ZNF419: variants seen among roughly 807,000 people sequenced by gnomAD.
The protein encoded by ZNF419 is zinc finger protein 419, also known as zinc finger protein 419A.
ZNF419 carries 8 observed loss-of-function variants against 14.9 expected under a neutral mutation model. That is an observed-to-expected ratio of 0.54 (90% CI 0.32 to 0.97). The LOEUF is 0.97. ZNF419 is among the 50% of genes least tolerant of loss of function. The pLI, the probability that ZNF419 is intolerant of heterozygous loss-of-function variation, is 0.04. For synonymous variants in ZNF419, 211 were observed against 205.3 expected, an observed-to-expected ratio of 1.03 and a Z score of -0.24; for missense variants, 595 against 607.2, an observed-to-expected ratio of 0.98 and a Z score of 0.21.
chr19:57,488,888 G>C (rs1389117830), intron 1 of ZNF419: 1 of 152,484 alleles, frequency 6.6e-6, no homozygotes, highest in Admixed American at 6.5e-5. Flanking sequence ...TGCCTCTATA[G>C]CATGGAGTTT....
At chr19:57,491,182 A>G in intron 2 of ZNF419, 1 of 460,644 alleles carries the variant, frequency 2.2e-6, no homozygotes. Flanking sequence ...CACAAATTTG[A>G]TTGTATTTGA....
chr19:57,494,090 A>G lies in ZNF419; in HGVS notation c.1533A>G (p.Ter511TrpextTer6). Residue 511 changes from the stop codon to tryptophan, a stop_lost, in exon 5 of 5, where the codon TGA (stop) becomes TGG (tryptophan). Transcript: ENST00000221735. ...HRRIHTGEMQ[*>W] ...GGATTCACACTGGAGAAATGCAGTG[A>G]TTGTGTGAAATCCTTTAGCCAGCGT... The G allele has an allele frequency of 1.3e-6, 2 of 1,586,796 alleles. No individual in the cohort carries two copies. The highest frequency in any genetic ancestry group is 8.6e-7 in the Non-Finnish European group (1 of 1,168,412).
Position 57,493,182 on chromosome 19 carries a change from G to A in ZNF419, c.625G>A (p.Gly209Arg). 3.1e-6 allele frequency: 5 copies of A among 1,614,204 alleles called. No homozygotes were observed. Among genetic ancestry groups the A allele is most frequent in the Non-Finnish European group, 4.2e-6 (5 of 1,180,010 alleles). Reference sequence around the variant, plus strand: ...AAGGCATTACAAATGCAGTGAATGTGGGAAAGCCTTTGGTCAGAAATATTT... The same window carrying A: ...AAGGCATTACAAATGCAGTGAATGTAGGAAAGCCTTTGGTCAGAAATATTT... ...GKRHYKCSECGKAFGQKYLLV... is the reference protein window; with the variant it reads ...GKRHYKCSECRKAFGQKYLLV... The change falls in exon 5 of 5, where the codon GGG becomes AGG. Residue 209 changes from glycine (G) to arginine (R), a missense_variant. Physicochemically the swap from Gly to Arg is moderately radical, Grantham distance 125 (BLOSUM62 -2). Transcript: ENST00000221735.
rs1373185879 is a variant in ZNF419, at chr19:57,492,165, GC to G, written c.255del (p.Phe86SerfsTer8). Reference protein sequence around the residue: ...EITQLESWEEPFMPAWEVVTS... With the variant: ...EITQLESWEEXFMPAWEVVTS... ...TAACCCAGCTGGAGTCATGGGAGGAGCCCTTCATGCCTGCTTGGGAAGTTGT... is the reference window on the plus strand; with the variant it reads ...TAACCCAGCTGGAGTCATGGGAGGAGCCTTCATGCCTGCTTGGGAAGTTGT... On this transcript the variant is annotated frameshift_variant, in exon 4 of 5. Transcript: ENST00000221735. LOFTEE classifies it low-confidence loss of function (END_TRUNC). The G allele has an allele frequency of 3.7e-6, 6 of 1,613,900 alleles. No individual in the cohort carries two copies. Among genetic ancestry groups the G allele is most frequent in the African/African-American group, 1.3e-5 (1 of 74,936 alleles).
At position 57,490,153 on chromosome 19, in the gene ZNF419, G is replaced by A. The variant is rs538019214; in HGVS notation, c.40G>A (p.Val14Met). 1.2e-6 allele frequency: 2 copies of A among 1,613,660 alleles called. No homozygotes were observed. The highest frequency in any genetic ancestry group is 1.7e-5 in the Admixed American group (1 of 59,976). ...AALRDPAQVPVAADLLTDHEE... is the reference protein window; with the variant it reads ...AALRDPAQVPMAADLLTDHEE... ...TAGTCTTGATTTTCCATAGGTTCCT[G>A]TGGCTGCAGACTTGCTTACAGACCA... The change falls in exon 2 of 5, where the codon GTG becomes ATG. Residue 14 changes from valine (V) to methionine (M), a missense_variant. By Grantham distance (21) the Val-to-Met change is conservative. Transcript: ENST00000221735.
chr19:57,492,723 T>G, intron 4 of ZNF419, 133 bp from the exon 5 acceptor site: 1 of 1,280,026 alleles, frequency 7.8e-7, no homozygotes, highest in South Asian at 1.2e-5. Context: ...CCTTCCCTGC[T>G]GAGAGCTAGC....
intron 2 of ZNF419, 86 bp downstream of exon 2, chr19:57,490,271 T>A: frequency 1.5e-6 from 2 of 1,330,040 alleles, no homozygotes; most frequent in Non-Finnish European, 2.1e-6. Context: ...GGCTCCTTGC[T>A]GGCTATTCTC....
At position 57,493,748 on chromosome 19, in the gene ZNF419, G is replaced by A. The variant is rs368958731; in HGVS notation, c.1191G>A (p.Lys397=). ...MQHQKVHTGE[K]PFKCNECGRF... is the part of the protein sequence containing the mutation. Reference sequence around the variant, plus strand: ...ATCAAAAAGTTCACACTGGAGAAAAGCCTTTTAAGTGCAATGAATGTGGGA... The same window carrying A: ...ATCAAAAAGTTCACACTGGAGAAAAACCTTTTAAGTGCAATGAATGTGGGA... Residue 397 remains lysine (K), a synonymous_variant, in exon 5 of 5, where the codon AAG becomes AAA. Transcript: ENST00000221735. 24 of 1,614,048 alleles carry A rather than the reference G, an allele frequency of 1.5e-5. No homozygotes were observed. In the Middle Eastern group the frequency reaches 4.9e-4, roughly 33 times the overall value.
intron 1 of ZNF419, 59 bp from the exon 2 acceptor site, chr19:57,490,088 G>T: frequency 6.5e-7 from 1 of 1,546,950 alleles, no homozygotes; most frequent in Non-Finnish European, 8.9e-7. Flanking sequence ...AGACGAGTGG[G>T]CTTGGATGAT....
chr19:57,494,226 T>C lies in ZNF419; in HGVS notation c.*136T>C. The stretch of plus-strand genomic sequence containing the variant: ...TCATTCAACACTGGACAGTTTACAA[T>C]GTGGACAATGTAGTGAATATGGAAA... On this transcript the variant is annotated 3_prime_UTR_variant, in exon 5 of 5. Transcript: ENST00000221735. 1.5e-6 allele frequency: 2 copies of C among 1,308,150 alleles called. No individual in the cohort carries two copies. The highest frequency in any genetic ancestry group is 1.5e-5 in the South Asian group (1 of 66,044). 81.0% of individuals were successfully genotyped at this position (1,308,150 alleles called of 1,614,324 possible).
rs1468611797 is a variant in ZNF419, at chr19:57,492,384, C to T, written c.298+173C>T. 4.8e-6 allele frequency: 4 copies of T among 826,294 alleles called. No individual in the cohort carries two copies. The Admixed American group carries it at 6.8e-5, about 14-fold the overall frequency. 51.2% of individuals were successfully genotyped at this position (826,294 alleles called of 1,614,324 possible). A position where few individuals can be genotyped will look rare whatever the true frequency, so the allele number is the denominator to read the frequency against. ...TGTTTGACCTAGGGCCATTCCCCAC[C>T]TCTCTGTCCTCCATGTTTCACCCAG... is the stretch of plus-strand genomic sequence containing the variant. On this transcript the variant is annotated intron_variant, in intron 4 of 4. Transcript: ENST00000221735.
chr19:57,492,326 T>G, intron 4 of ZNF419, 115 bp downstream of exon 4: 1 of 1,169,582 alleles, frequency 8.6e-7, no homozygotes, highest in South Asian at 1.2e-5. Context: ...TTCTATCTTT[T>G]CTTCCTTAGT....
In ZNF419 at chr19:57,494,096, T is replaced by A. The variant is rs2089575111; in HGVS notation, c.*6T>A. ...ACACTGGAGAAATGCAGTGATTGTG[T>A]GAAATCCTTTAGCCAGCGTTTCAAC... is the stretch of plus-strand genomic sequence containing the variant. On this transcript the variant is annotated 3_prime_UTR_variant, in exon 5 of 5. Coordinates refer to ENST00000221735, the MANE Select transcript of ZNF419 (RefSeq NM_024691.4). The A allele has an allele frequency of 2.5e-6, 4 of 1,581,738 alleles. No homozygotes were observed. In the Admixed American group the frequency reaches 5.6e-5, roughly 22 times the overall value.
rs199880706 is a variant in ZNF419 at position 57,487,975 on chromosome 19, C to A, written c.25C>A (p.Pro9Thr). MAAAALRDPAQVPVAADLL... is the reference protein window; with the variant it reads MAAAALRDTAQVPVAADLL... ...GATGGCGGCGGCCGCCCTGAGGGAC[C>A]CCGCTCAGGTGAGCGCCGCGTCCTC... The change falls in exon 1 of 5, where the codon CCC (proline) becomes ACC (threonine). Residue 9 changes from proline (P) to threonine (T), a missense_variant. Pro to Thr is a conservative substitution (Grantham distance 38). Transcript: ENST00000221735. The A allele has an allele frequency of 1.2e-6, 2 of 1,613,768 alleles. No individual in the cohort carries two copies. Among genetic ancestry groups the A allele is most frequent in the South Asian group, 2.2e-5 (2 of 91,042 alleles).
chr19:57,494,209 C>T lies in ZNF419; in HGVS notation c.*119C>T. On this transcript the variant is annotated 3_prime_UTR_variant, in exon 5 of 5. Transcript: ENST00000221735. The stretch of plus-strand genomic sequence containing the variant: ...TAGCCACACCTCCAGTCTCATTCAA[C>T]ACTGGACAGTTTACAATGTGGACAA... The T allele has an allele frequency of 1.4e-6, 2 of 1,392,394 alleles. No homozygotes were observed. Among genetic ancestry groups the T allele is most frequent in the South Asian group, 2.9e-5 (2 of 70,112 alleles). 86.3% of individuals were successfully genotyped at this position (1,392,394 alleles called of 1,614,324 possible). A position where few individuals can be genotyped will look rare whatever the true frequency, so the allele number is the denominator to read the frequency against.
chr19:57,490,285 A>C (rs775280305), intron 2 of ZNF419, 100 bp downstream of exon 2: 250 of 1,151,738 alleles, frequency 2.2e-4, no homozygotes, highest in Middle Eastern at 1.5e-3. Context: ...TATTCTCCCT[A>C]CCCTTCCATT....
rs1568567393 is a variant in ZNF419, at chr19:57,489,931, AAATACCATTATTATT to A, written c.34-215_34-201del. ...GATACAAACAATCGTCCTATTGAGTAAATACCATTATTATTGCCATGTTGCAGATGGCAACACCAA... is the reference window on the plus strand; with the variant it reads ...GATACAAACAATCGTCCTATTGAGTAGCCATGTTGCAGATGGCAACACCAA... On this transcript the variant is annotated intron_variant, in intron 1 of 4. Transcript: ENST00000221735. The A allele has an allele frequency of 1.7e-5, 10 of 572,656 alleles. No individual in the cohort carries two copies. In the East Asian group the frequency reaches 2.9e-4, roughly 17 times the overall value. The allele number at this position is 572,656 out of a possible 1,614,324, so 35.5% of individuals were successfully genotyped here.
At position 57,493,102 on chromosome 19, in the gene ZNF419, C is replaced by A; in HGVS notation, c.545C>A (p.Thr182Lys). 2 of 1,614,110 alleles carry A rather than the reference C, an allele frequency of 1.2e-6. No homozygotes were observed. Among genetic ancestry groups the A allele is most frequent in the East Asian group, 4.5e-5 (2 of 44,888 alleles). The part of the protein sequence containing the change: ...SGVLKHQVTH[T>K]GEKSHRSSKS... ...GTTCTCAAGCACCAGGTGACTCACA[C>A]AGGAGAGAAGTCACATAGGAGCTCC... is the stretch of plus-strand genomic sequence containing the variant. Residue 182 changes from threonine to lysine, a missense_variant, in exon 5 of 5, where the codon ACA (threonine) becomes AAA (lysine). Coordinates refer to ENST00000221735, the MANE Select transcript of ZNF419 (RefSeq NM_024691.4).
rs745490224 is a variant in ZNF419 at position 57,494,906 on chromosome 19, C to A, written c.*816C>A. ...GTTTATATGTGTAGAAGTCATAGGC[C>A]ATTCATTTTAGCCATGTTACTAAGT... On this transcript the variant is annotated 3_prime_UTR_variant, in exon 5 of 5. Transcript: ENST00000221735. 6.4e-6 allele frequency: 1 copy of A among 155,848 alleles called. No individual in the cohort carries two copies. The highest frequency in any genetic ancestry group is 1.4e-5 in the Non-Finnish European group (1 of 70,540). 9.7% of individuals were successfully genotyped at this position (155,848 alleles called of 1,614,324 possible).
Sources: allele counts gnomAD v4.1 joint callset, GRCh38; gene constraint gnomAD v4.1.1; transcripts MANE v1.5; gene names NCBI Gene and HGNC (gene_info 2026-07-23, HGNC 2026-07-21).